The following PCDH17 variants were observed in gnomAD, a reference collection of about 807,000 sequenced individuals.
PCDH17 encodes protocadherin 17.
PCDH17 carries 21 observed loss-of-function variants against 67.7 expected under a neutral mutation model. That is an observed-to-expected ratio of 0.31 (90% CI 0.22 to 0.45). The LOEUF is 0.45. PCDH17 is among the 20% of genes least tolerant of loss of function. The pLI is 1.00. For synonymous variants in PCDH17, 701 were observed against 656.7 expected (o/e 1.07, Z -1.03); for missense variants, 1,471 against 1,564.8 (o/e 0.94, Z 1.01).
chr13:57,688,351 T>A (rs893929407), intron 3 of PCDH17, among the ~76,000 whole-genome samples: 1 of 151,930 alleles, frequency 6.6e-6, no homozygotes, highest in Admixed American at 6.6e-5. Flanking sequence ...GGAAAAATTG[T>A]GTTTGTGTGT....
chr13:57,697,678 T>C (rs1024743269), intron 3 of PCDH17, among the ~76,000 whole-genome samples: 3 of 151,566 alleles, frequency 2.0e-5, no homozygotes, highest in African/African-American at 4.8e-5. Context: ...TCAAAAATGG[T>C]ATTTAGAAGA....
chr13:57,671,846 C>T (rs774234436), intron 3 of PCDH17, among the ~76,000 whole-genome samples: 2 of 152,004 alleles, frequency 1.3e-5, no homozygotes, highest in African/African-American at 2.4e-5. Context: ...GGATCATCAC[C>T]AATTCTAACA....
At position 57,633,138 on chromosome 13, in the gene PCDH17, C is replaced by T; in HGVS notation, c.592C>T (p.Gln198Ter). 6.2e-7 allele frequency: 1 copy of T among 1,613,516 alleles called. No individual in the cohort carries two copies. The highest frequency in any genetic ancestry group is 8.5e-7 in the Non-Finnish European group (1 of 1,179,992). The change falls in exon 1 of 4, where the codon CAG becomes TAG. Residue 198 changes from glutamine to a stop codon, truncating the protein, a stop_gained. Transcript: ENST00000377918. LOFTEE classifies it high-confidence loss of function. The surrounding 1 kb of genome is among the most constrained non-coding windows in gnomAD (Gnocchi z 6.2). ...DGTKFPELVIQKALDREQQNH... is the reference protein window; with the variant it reads ...DGTKFPELVI Reference sequence around the variant, plus strand: ...CACCAAGTTCCCAGAACTGGTCATCCAGAAGGCTCTGGACCGCGAGCAACA... The same window carrying T: ...CACCAAGTTCCCAGAACTGGTCATCTAGAAGGCTCTGGACCGCGAGCAACA...
intron 3 of PCDH17, among the ~76,000 whole-genome samples, chr13:57,716,115 T>C (rs747464393): frequency 2.0e-5 from 3 of 151,952 alleles, no homozygotes; most frequent in Non-Finnish European, 2.9e-5. Flanking sequence ...CCAAAAACTC[T>C]AGATATCCCT....
chr13:57,652,458 A>C (rs1055229134), intron 1 of PCDH17, among the ~76,000 whole-genome samples: 7 of 152,110 alleles, frequency 4.6e-5, no homozygotes, highest in African/African-American at 1.7e-4. Flanking sequence ...GGATTTTCCA[A>C]AATCGGTTTC....
intron 1 of PCDH17, among the ~76,000 whole-genome samples, chr13:57,652,214 C>T (rs1388998610): frequency 2.1e-5 from 3 of 144,910 alleles, no homozygotes; most frequent in Non-Finnish European, 4.5e-5. Flanking sequence ...GGAAGCGGAG[C>T]TTGCAGTGAG....
At chr13:57,716,533 C>T (rs1183243855) in intron 3 of PCDH17, among the ~76,000 whole-genome samples, 2 of 151,818 alleles carry the variant, frequency 1.3e-5, no homozygotes, top group Non-Finnish European at 2.9e-5. Context: ...CCTGATCAGC[C>T]TTTGAATCAC....
chr13:57,635,925 G>C (rs533730787), intron 1 of PCDH17, among the ~76,000 whole-genome samples: 2 of 152,270 alleles, frequency 1.3e-5, no homozygotes, highest in Admixed American at 1.3e-4. Flanking sequence ...CTCATTTTGC[G>C]CTACTGAAAA....
intron 1 of PCDH17, among the ~76,000 whole-genome samples, chr13:57,655,321 G>T (rs1038659145): frequency 5.9e-5 from 9 of 151,760 alleles, no homozygotes; most frequent in African/African-American, 1.7e-4. Context: ...TCTAATTGAT[G>T]ATTTAATATT....
intron 3 of PCDH17, among the ~76,000 whole-genome samples, chr13:57,720,401 G>C (rs1476867549): frequency 1.3e-5 from 2 of 151,884 alleles, no homozygotes; most frequent in East Asian, 3.8e-4. Flanking sequence ...GGTGCTTTTA[G>C]TCTGAAAGAT....
chr13:57,723,737 C>T (rs1441945496), intron 3 of PCDH17, among the ~76,000 whole-genome samples: 1 of 151,972 alleles, frequency 6.6e-6, no homozygotes, highest in East Asian at 1.9e-4. Flanking sequence ...GTATGCAGCT[C>T]TTCTATAATT....
At chr13:57,671,992 C>T (rs577725205) in intron 3 of PCDH17, among the ~76,000 whole-genome samples, 12 of 152,100 alleles carry the variant, frequency 7.9e-5, no homozygotes, top group African/African-American at 2.9e-4. Flanking sequence ...TTCTAGTTTT[C>T]TATTTAATTC....
At chr13:57,658,850 G>A (rs1468391578) in intron 1 of PCDH17, among the ~76,000 whole-genome samples, 1 of 151,996 alleles carries the variant, frequency 6.6e-6, no homozygotes, top group Non-Finnish European at 1.5e-5. Flanking sequence ...TGCAATCTCT[G>A]CTCACCTCAA....
chr13:57,679,197 A>G (rs1955424050), intron 3 of PCDH17, among the ~76,000 whole-genome samples: 1 of 151,466 alleles, frequency 6.6e-6, no homozygotes, highest in South Asian at 2.1e-4. Flanking sequence ...TTTAATTTGC[A>G]TGTTACAGCT....
At chr13:57,721,972 A>G (rs1172905523) in intron 3 of PCDH17, among the ~76,000 whole-genome samples, 1 of 152,076 alleles carries the variant, frequency 6.6e-6, no homozygotes, top group Non-Finnish European at 1.5e-5. Flanking sequence ...CATAGTTTCT[A>G]CTGTTTGTAC....
At chr13:57,710,341 C>T (rs1222293614) in intron 3 of PCDH17, among the ~76,000 whole-genome samples, 1 of 151,718 alleles carries the variant, frequency 6.6e-6, no homozygotes, top group Non-Finnish European at 1.5e-5. Context: ...CTTTAAAAAA[C>T]CTTTACATAG....
chr13:57,659,878 G>T (rs923645946), intron 1 of PCDH17, among the ~76,000 whole-genome samples: 2 of 152,184 alleles, frequency 1.3e-5, no homozygotes, highest in South Asian at 2.1e-4. Flanking sequence ...TTTATGTAAA[G>T]TATTTATTTT....
rs747026638 is a variant in PCDH17 at position 57,634,614 on chromosome 13, G to A, written c.2068G>A (p.Glu690Lys). Residue 690 changes from glutamate to lysine, a missense_variant, in exon 1 of 4, where the codon GAG becomes AAG. By Grantham distance (56) the Glu-to-Lys change is moderately conservative. Around this residue, in one of 3 missense-constraint regions of PCDH17, gnomAD observed 1,163 missense variants for 1,230.0 expected, o/e 0.95. Transcript: ENST00000377918. The surrounding 1 kb of genome is among the most constrained non-coding windows in gnomAD (Gnocchi z 7.8). ...CCGCTCGGTGAGCGGATCCCTTCCC[G>A]AGGGGGTACCACGGGTGAATGGCGA... ...IIRSVSGSLP[E>K]GVPRVNGEQH... is the part of the protein sequence containing the mutation. 2 of 1,613,464 alleles carry A rather than the reference G, an allele frequency of 1.2e-6. No homozygotes were observed. Among genetic ancestry groups the A allele is most frequent in the Non-Finnish European group, 1.7e-6 (2 of 1,180,008 alleles).
At chr13:57,671,313 C>T (rs1443425010) in intron 3 of PCDH17, among the ~76,000 whole-genome samples, 1 of 150,896 alleles carries the variant, frequency 6.6e-6, no homozygotes, top group Non-Finnish European at 1.5e-5. Flanking sequence ...AAAAATATAT[C>T]TGATCCTTTT....
Sources: allele counts gnomAD v4.1 joint callset (sites outside exome capture counted in the v4.1 genomes callset), GRCh38; gene constraint gnomAD v4.1.1; regional missense constraint gnomAD v4.1.1; non-coding constraint Gnocchi (gnomAD v3.1); transcripts MANE v1.5; gene names NCBI Gene and HGNC (gene_info 2026-07-23, HGNC 2026-07-21).